Variants in LRR1 observed in about 807,000 individuals in gnomAD.
The protein encoded by LRR1 is leucine-rich repeat protein 1.
Under a neutral mutation model 31.6 loss-of-function variants are expected in LRR1, and 29 were observed. The observed-to-expected ratio is 0.92, with a 90% CI of 0.68 to 1.25. The LOEUF is 1.25. LRR1 is among the 50% of genes most tolerant of loss of function. The pLI is 0.00. For synonymous variants in LRR1, 179 were observed against 181.4 expected (o/e 0.99, Z 0.10); for missense variants, 485 against 487.2 (o/e 1.00, Z 0.04).
intron 1 of LRR1, chr14:49,600,509 G>T: frequency 1.3e-6 from 2 of 1,575,078 alleles, no homozygotes; most frequent in East Asian, 4.5e-5. Flanking sequence ...AGGGATTGAA[G>T]ACTGTTTTTG....
chr14:49,601,239 C>G (rs1181656446), intron 1 of LRR1: 3 of 1,334,740 alleles, frequency 2.2e-6, no homozygotes, highest in Non-Finnish European at 3.0e-6. Context: ...AATCAGGTCA[C>G]AGCATCCTGC....
intron 1 of LRR1, chr14:49,600,718 T>C: frequency 9.6e-7 from 1 of 1,042,332 alleles, no homozygotes; most frequent in Non-Finnish European, 1.4e-6. Flanking sequence ...AGTTCAAAAC[T>C]TGAAAGAAAA....
chr14:49,602,223 T>C (rs1331235842), intron 1 of LRR1, 147 bp from the exon 2 acceptor site: 2 of 517,076 alleles, frequency 3.9e-6, no homozygotes, highest in Admixed American at 6.7e-5. Context: ...GATAAAAAGC[T>C]TTAAAACTTA....
At chr14:49,608,255 G>T (rs1441812762) in intron 3 of LRR1, 134 bp downstream of exon 3, 2 of 918,010 alleles carry the variant, frequency 2.2e-6, no homozygotes, top group East Asian at 5.5e-5. Context: ...TGGTCTTCTT[G>T]TTCCTTACCT....
chr14:49,603,615 A>G lies in LRR1; in HGVS notation c.282+1147A>G, dbSNP rs753224138. 2.8e-6 allele frequency: 3 copies of G among 1,062,182 alleles called. No individual in the cohort carries two copies. In the South Asian group the frequency reaches 7.0e-5, roughly 25 times the overall value. 65.8% of individuals were successfully genotyped at this position (1,062,182 alleles called of 1,614,324 possible). ...GGAAGAGCTTGGTTCACTGCAACCCACAGGTGGGTGCCACCACTCCTGGCG... is the reference window on the plus strand; with the variant it reads ...GGAAGAGCTTGGTTCACTGCAACCCGCAGGTGGGTGCCACCACTCCTGGCG... On this transcript the variant is annotated intron_variant, in intron 2 of 3. Coordinates refer to ENST00000298288, the MANE Select transcript of LRR1 (RefSeq NM_152329.4).
chr14:49,600,274 C>T (rs111396005), intron 1 of LRR1: 3 of 1,492,866 alleles, frequency 2.0e-6, no homozygotes, highest in African/African-American at 2.8e-5. Context: ...GTAAATCCAG[C>T]CTCATTTCAA....
Position 49,602,278 on chromosome 14 carries a change from C to T in LRR1, c.184-92C>T, listed in dbSNP as rs1041678734. On this transcript the variant is annotated intron_variant, in intron 1 of 3. Coordinates refer to ENST00000298288, the MANE Select transcript of LRR1 (RefSeq NM_152329.4). ...CAAGGACTAAAAGCCAAACCAAAGC[C>T]TGGCAAAGTAACTGGCACATTCTAG... The T allele has an allele frequency of 1.7e-5, 19 of 1,140,690 alleles. No homozygotes were observed. The African/African-American group carries it at 2.9e-4, about 17-fold the overall frequency. The allele number at this position is 1,140,690 out of a possible 1,614,324, so 70.7% of individuals were successfully genotyped here.
At chr14:49,599,350 C>T in intron 1 of LRR1, 147 bp downstream of exon 1, 6 of 865,766 alleles carry the variant, frequency 6.9e-6, no homozygotes, top group Non-Finnish European at 1.0e-5. Context: ...GACCTACCAT[C>T]AGCCCGACCC....
intron 3 of LRR1, among the ~76,000 whole-genome samples, chr14:49,608,759 G>A (rs1229389182): frequency 1.3e-5 from 2 of 151,882 alleles, no homozygotes; most frequent in Non-Finnish European, 2.9e-5. Flanking sequence ...TGAGAGTGGG[G>A]TCCAGCTGTG....
At chr14:49,612,197 G>A (rs1337732102) in intron 3 of LRR1, among the ~76,000 whole-genome samples, 1 of 152,182 alleles carries the variant, frequency 6.6e-6, no homozygotes, top group Non-Finnish European at 1.5e-5. Flanking sequence ...TAGCATTTAT[G>A]TTGCTTTTTA....
intron 1 of LRR1, chr14:49,601,794 A>T: frequency 2.6e-6 from 1 of 389,204 alleles, no homozygotes; most frequent in Non-Finnish European, 4.7e-6. Flanking sequence ...CAGCTAGATG[A>T]GGAGTATAAC....
intron 2 of LRR1, among the ~76,000 whole-genome samples, chr14:49,604,128 C>G (rs1882196354): frequency 1.3e-5 from 2 of 150,668 alleles, no homozygotes; most frequent in Non-Finnish European, 3.0e-5. Flanking sequence ...CATGGTGAAA[C>G]CCTGTCTCCA....
intron 2 of LRR1, among the ~76,000 whole-genome samples, chr14:49,606,738 C>A (rs1319172876): frequency 6.6e-6 from 1 of 151,568 alleles, no homozygotes; most frequent in Non-Finnish European, 1.5e-5. Flanking sequence ...CTCACTGCAA[C>A]CTCCGCCTCC....
intron 1 of LRR1, chr14:49,600,119 C>G (rs2139530363): frequency 6.3e-7 from 1 of 1,576,060 alleles, no homozygotes; most frequent in African/African-American, 1.3e-5. Context: ...TGCCCACCGT[C>G]TTCGACCACT....
chr14:49,600,537 A>C (rs1393236718), intron 1 of LRR1: 1 of 1,573,236 alleles, frequency 6.4e-7, no homozygotes, highest in East Asian at 2.2e-5. Flanking sequence ...TATCATAGCC[A>C]TTTTAACTCC....
intron 3 of LRR1, chr14:49,612,419 T>A: frequency 8.6e-7 from 1 of 1,156,696 alleles, no homozygotes; most frequent in Non-Finnish European, 1.1e-6. Flanking sequence ...GGAATTTAAG[T>A]TATGTCAGAT....
chr14:49,602,500 T>A (rs1566492106), intron 2 of LRR1, 32 bp downstream of exon 2: 1 of 1,544,638 alleles, frequency 6.5e-7, no homozygotes, highest in East Asian at 2.2e-5. Context: ...TGATTAATAT[T>A]TGGCTGTATT....
intron 2 of LRR1, 52 bp from the exon 3 acceptor site, chr14:49,607,348 G>A (rs747045905): frequency 6.8e-6 from 10 of 1,470,066 alleles, no homozygotes; most frequent in Non-Finnish European, 9.1e-6. Flanking sequence ...GAACTAGCAT[G>A]TATGTATTAT....
intron 2 of LRR1, among the ~76,000 whole-genome samples, chr14:49,604,876 A>G (rs1882223641): frequency 6.6e-6 from 1 of 151,862 alleles, no homozygotes; most frequent in Non-Finnish European, 1.5e-5. Flanking sequence ...GGTGGAAACA[A>G]TGTCTCGTTG....
Sources: gnomAD v4.1 joint callset for allele counts (sites outside exome capture counted in the v4.1 genomes callset) on GRCh38, gnomAD v4.1.1 for gene constraint, MANE v1.5 for transcripts, NCBI Gene and HGNC (gene_info 2026-07-23, HGNC 2026-07-21) for gene names.